OR14I1: variants seen among roughly 807,000 people sequenced by gnomAD.
OR14I1 encodes the protein olfactory receptor family 14 subfamily I member 1.
For synonymous variants in OR14I1, 118 were observed against 71.1 expected (o/e 1.66, Z -3.32); for missense variants, 279 against 181.8 (o/e 1.53, Z -3.07).
chr1:248,681,743 A>G, exon 1 of OR14I1: 1 of 781,124 alleles, frequency 1.3e-6, no homozygotes, highest in Non-Finnish European at 2.4e-6. Flanking sequence ...AAAACCTCAC[A>G]GGAAACCAGG....
downstream of OR14I1, among the ~76,000 whole-genome samples, chr1:248,680,159 C>T (rs1661533834): frequency 6.6e-6 from 1 of 152,058 alleles, no homozygotes; most frequent in Non-Finnish European, 1.5e-5. Context: ...TTAAGAAAGA[C>T]ATTTAAAGCA....
the OR14I1 span, among the ~76,000 whole-genome samples, chr1:248,702,587 C>T: frequency 6.6e-6 from 1 of 152,130 alleles, no homozygotes; most frequent in African/African-American, 2.4e-5. Context: ...ATTGCCATAG[C>T]CCTTCTGTTC....
upstream of OR14I1, among the ~76,000 whole-genome samples, chr1:248,684,753 C>CACATATATATATATATATATATATATAT (rs748883170): frequency 6.7e-6 from 1 of 148,242 alleles, no homozygotes; most frequent in African/African-American, 2.6e-5. Flanking sequence ...AATACACACA[C>CACATATATATATATATATATATATATAT]ATACATATAT....
the OR14I1 span, among the ~76,000 whole-genome samples, chr1:248,699,752 T>TTTTG: frequency 0.079 from 11,911 of 151,468 alleles, 1,529 homozygotes; most frequent in African/African-American, 0.27. Flanking sequence ...CTACTTTTTG[T>TTTTG]TTTGTTTGTT....
At chr1:248,696,671 T>C in the OR14I1 span, among the ~76,000 whole-genome samples, 6 of 152,232 alleles carry the variant, frequency 3.9e-5, no homozygotes, top group African/African-American at 1.4e-4. Context: ...ACTCAAAAAA[T>C]GTCCCTTTTT....
the OR14I1 span, among the ~76,000 whole-genome samples, chr1:248,700,782 G>A: frequency 8.5e-5 from 13 of 152,184 alleles, no homozygotes; most frequent in African/African-American, 2.9e-4. Flanking sequence ...GTTCATATGC[G>A]TCAGTGCCAT....
the OR14I1 span, among the ~76,000 whole-genome samples, chr1:248,699,791 C>T: frequency 6.6e-6 from 1 of 152,192 alleles, no homozygotes; most frequent in African/African-American, 2.4e-5. Flanking sequence ...CAGAGTCTCG[C>T]TCTATCGCCC....
At chr1:248,682,711 G>C (rs1239648531), upstream of OR14I1, among the ~76,000 whole-genome samples, 2 of 152,080 alleles carry the variant, frequency 1.3e-5, no homozygotes, top group Non-Finnish European at 2.9e-5. Context: ...ACAAGTTTCT[G>C]GGTGATTTTT....
chr1:248,680,942 C>A (rs1459954251), downstream of OR14I1, among the ~76,000 whole-genome samples: 2 of 148,524 alleles, frequency 1.3e-5, no homozygotes, highest in Non-Finnish European at 3.0e-5. Context: ...TGTTGACTGG[C>A]TAAATCAGGT....
At chr1:248,686,677 A>T (rs2103135964), upstream of OR14I1, among the ~76,000 whole-genome samples, 1 of 148,636 alleles carries the variant, frequency 6.7e-6, no homozygotes, top group African/African-American at 2.5e-5. Context: ...CTCATAAAAA[A>T]TTTGAAATGA....
the OR14I1 span, among the ~76,000 whole-genome samples, chr1:248,696,586 G>T: frequency 2.0e-5 from 3 of 152,158 alleles, no homozygotes; most frequent in Non-Finnish European, 4.4e-5. Context: ...TGTGCATTCT[G>T]CCACCCGTGA....
chr1:248,699,147 T>C, the OR14I1 span: 1 of 152,238 alleles, frequency 6.6e-6, no homozygotes, highest in Non-Finnish European at 1.5e-5. Context: ...TCCATAGTTA[T>C]ATTCAGTTGT....
chr1:248,700,101 A>G, the OR14I1 span, among the ~76,000 whole-genome samples: 1 of 152,170 alleles, frequency 6.6e-6, no homozygotes, highest in Admixed American at 6.5e-5. Context: ...GGAGCTTTAA[A>G]TTAGAATGCG....
At chr1:248,685,837 GAA>G (rs1342691677), upstream of OR14I1, among the ~76,000 whole-genome samples, 1 of 150,952 alleles carries the variant, frequency 6.6e-6, no homozygotes, top group African/African-American at 2.4e-5. Context: ...ACTGTTTATT[GAA>G]AAGTTATTAA....
chr1:248,681,379 A>T, exon 1 of OR14I1: 1 of 738,922 alleles, frequency 1.4e-6, no homozygotes, highest in Non-Finnish European at 2.5e-6. Flanking sequence ...CTACTTTTGC[A>T]GAAAATATAT....
At chr1:248,697,307 G>A in the OR14I1 span, 3 of 152,138 alleles carry the variant, frequency 2.0e-5, no homozygotes, top group Non-Finnish European at 4.4e-5. Context: ...AAATCTCTTA[G>A]AAATGAGGAC....
upstream of OR14I1, among the ~76,000 whole-genome samples, chr1:248,685,290 A>G (rs1321622009): frequency 1.3e-5 from 2 of 152,206 alleles, no homozygotes; most frequent in Non-Finnish European, 2.9e-5. Flanking sequence ...ACTATTTAAC[A>G]ATGCAGAGTA....
chr1:248,679,143 G>A (rs1294187076), downstream of OR14I1, among the ~76,000 whole-genome samples: 1 of 152,104 alleles, frequency 6.6e-6, no homozygotes, highest in African/African-American at 2.4e-5. Flanking sequence ...CAGGGGCTCT[G>A]GATCAAGAAA....
chr1:248,685,978 G>A (rs114877924), upstream of OR14I1, among the ~76,000 whole-genome samples: 1,852 of 151,886 alleles, frequency 0.012, 32 homozygotes, highest in African/African-American at 0.034. Flanking sequence ...CAAAATATTA[G>A]GCAAATTGAT....
Sources: gnomAD v4.1 joint callset for allele counts (sites outside exome capture counted in the v4.1 genomes callset) on GRCh38, gnomAD v4.1.1 for gene constraint, MANE v1.5 for transcripts, NCBI Gene and HGNC (gene_info 2026-07-23, HGNC 2026-07-21) for gene names.